The following TASP1 variants were observed in gnomAD, a reference collection of about 807,000 sequenced individuals.
The protein encoded by TASP1 is threonine aspartase 1.
Under a neutral mutation model 56.6 loss-of-function variants are expected in TASP1, and 16 were observed. That is an observed-to-expected ratio of 0.28 (90% CI 0.19 to 0.43). TASP1 has a LOEUF of 0.43. Among genes scored for constraint, TASP1 ranks in the 20% least tolerant of loss-of-function variants. TASP1 has a pLI of 1.00. For missense variants in TASP1, 393 were observed against 511.6 expected, an observed-to-expected ratio of 0.77 and a Z score of 2.24; for synonymous variants, 179 against 184.2, an observed-to-expected ratio of 0.97 and a Z score of 0.23.
intron 10 of TASP1, among the ~76,000 whole-genome samples, chr20:13,518,438 A>G (rs1224066719): frequency 2.0e-5 from 3 of 152,120 alleles, no homozygotes; most frequent in Non-Finnish European, 4.4e-5. Context: ...TCCCTACTCA[A>G]GAGTCCCCCT....
chr20:13,292,396 A>G, the TASP1 span: 4 of 1,605,598 alleles, frequency 2.5e-6, no homozygotes, highest in Non-Finnish European at 3.4e-6. Flanking sequence ...CTTTTAGGAC[A>G]GCTGCCACCG....
At chr20:13,591,420 A>T (rs1363036382) in intron 4 of TASP1, among the ~76,000 whole-genome samples, 1 of 152,172 alleles carries the variant, frequency 6.6e-6, no homozygotes, top group Non-Finnish European at 1.5e-5. Flanking sequence ...AAGACAGAAG[A>T]CAATGGAGTA....
At chr20:13,223,193 A>T in the TASP1 span, among the ~76,000 whole-genome samples, 5 of 148,704 alleles carry the variant, frequency 3.4e-5, no homozygotes, top group Non-Finnish European at 7.4e-5. Flanking sequence ...AAAATAAAAT[A>T]AATAAATAAA....
chr20:13,126,479 C>A, the TASP1 span: 2 of 1,258,438 alleles, frequency 1.6e-6, no homozygotes, highest in Non-Finnish European at 2.2e-6. Flanking sequence ...ATCTTTTGAG[C>A]ATGAGATCAA....
chr20:13,265,434 A>G, the TASP1 span, among the ~76,000 whole-genome samples: 3 of 152,282 alleles, frequency 2.0e-5, no homozygotes, highest in Admixed American at 2.0e-4. Flanking sequence ...TTCAGTGTAC[A>G]TCAGTCAAGT....
intron 10 of TASP1, among the ~76,000 whole-genome samples, chr20:13,498,359 G>C (rs1410923311): frequency 6.8e-6 from 1 of 146,848 alleles, no homozygotes; most frequent in Non-Finnish European, 1.5e-5. Context: ...GTGTGTGTGT[G>C]TGTGTGTGTG....
the TASP1 span, among the ~76,000 whole-genome samples, chr20:13,329,849 G>A: frequency 2.0e-5 from 3 of 151,966 alleles, no homozygotes; most frequent in African/African-American, 4.8e-5. Flanking sequence ...TCACCATTAA[G>A]TATAATTTTA....
At chr20:13,572,529 T>TA (rs1306136958) in intron 6 of TASP1, among the ~76,000 whole-genome samples, 4 of 151,316 alleles carry the variant, frequency 2.6e-5, no homozygotes, top group African/African-American at 9.7e-5. Context: ...ACCAAAACTA[T>TA]AAAAAAATAT....
At chr20:13,509,331 T>C (rs2044244713) in intron 10 of TASP1, among the ~76,000 whole-genome samples, 1 of 151,554 alleles carries the variant, frequency 6.6e-6, no homozygotes, top group South Asian at 2.1e-4. Context: ...AATAGAAGAG[T>C]GTTTACCAGG....
chr20:13,336,748 ATT>A, the TASP1 span, among the ~76,000 whole-genome samples: 1 of 150,428 alleles, frequency 6.6e-6, no homozygotes, highest in African/African-American at 2.4e-5. Context: ...AAAAAGTGAG[ATT>A]TTTTTTTTGT....
intron 13 of TASP1, 30 bp downstream of exon 13, chr20:13,417,415 GTTT>G: frequency 6.2e-7 from 1 of 1,612,674 alleles, no homozygotes; most frequent in East Asian, 2.2e-5. Context: ...TGGCTACAAG[GTTT>G]TCAGGTTATG....
chr20:13,193,511 T>C, the TASP1 span, among the ~76,000 whole-genome samples: 1 of 152,172 alleles, frequency 6.6e-6, no homozygotes, highest in Non-Finnish European at 1.5e-5. Flanking sequence ...AAACATGAAA[T>C]AGCTCTAGAT....
intron 6 of TASP1, among the ~76,000 whole-genome samples, chr20:13,570,401 C>T (rs2046671858): frequency 6.6e-6 from 1 of 152,096 alleles, no homozygotes; most frequent in Non-Finnish European, 1.5e-5. Flanking sequence ...TGCCTACTTG[C>T]TAGTTTTCCA....
At chr20:13,576,238 C>A (rs1227171907) in intron 6 of TASP1, among the ~76,000 whole-genome samples, 3 of 73,176 alleles carry the variant, frequency 4.1e-5, no homozygotes, top group Non-Finnish European at 5.7e-5. Context: ...GGGAGGGGAG[C>A]GGAGGGAAGG....
chr20:13,502,486 G>C (rs1344681373), intron 10 of TASP1, among the ~76,000 whole-genome samples: 1 of 152,050 alleles, frequency 6.6e-6, no homozygotes, highest in Non-Finnish European at 1.5e-5. Flanking sequence ...TGATACCATA[G>C]ACCTATAGGT....
chr20:13,380,593 G>A, the TASP1 span, among the ~76,000 whole-genome samples: 1 of 152,200 alleles, frequency 6.6e-6, no homozygotes, highest in South Asian at 2.1e-4. Flanking sequence ...CCTTAGCAGA[G>A]CTCAAGCACT....
At chr20:13,492,191 GAAGTAT>G (rs2043556771) in intron 10 of TASP1, among the ~76,000 whole-genome samples, 1 of 152,184 alleles carries the variant, frequency 6.6e-6, no homozygotes, top group African/African-American at 2.4e-5. Context: ...TGATGATTTT[GAAGTAT>G]TTATGTCATC....
the TASP1 span, among the ~76,000 whole-genome samples, chr20:13,307,432 C>G: frequency 6.6e-6 from 1 of 152,242 alleles, no homozygotes; most frequent in Middle Eastern, 3.4e-3. Flanking sequence ...CATGAAGGAG[C>G]TCTCTGGGGC....
intron 4 of TASP1, among the ~76,000 whole-genome samples, chr20:13,600,083 A>C (rs2047897307): frequency 6.6e-6 from 1 of 152,192 alleles, no homozygotes; most frequent in South Asian, 2.1e-4. Flanking sequence ...TAATACATAC[A>C]AGATCTGTAC....
Sources: allele counts gnomAD v4.1 joint callset (sites outside exome capture counted in the v4.1 genomes callset), GRCh38; gene constraint gnomAD v4.1.1; transcripts MANE v1.5; gene names NCBI Gene and HGNC (gene_info 2026-07-23, HGNC 2026-07-21).